Variants in ABCA9 observed in about 807,000 individuals in gnomAD.
ABCA9 encodes the protein ATP-binding cassette sub-family A member 9.
In ABCA9, 183 loss-of-function variants were observed where a neutral mutation model predicts 205.3. The observed-to-expected ratio is 0.89, with a 90% CI of 0.79 to 1.01. ABCA9 has a LOEUF of 1.01. ABCA9 is among the 50% of genes least tolerant of loss of function. ABCA9 has a pLI of 0.00. For missense variants in ABCA9, 1,805 were observed against 1,912.4 expected (o/e 0.94, Z 1.05); for synonymous variants, 651 against 683.3 (o/e 0.95, Z 0.74).
chr17:69,065,127 A>G (rs1300751325), upstream of ABCA9, among the ~76,000 whole-genome samples: 1 of 152,028 alleles, frequency 6.6e-6, no homozygotes, highest in Non-Finnish European at 1.5e-5. Flanking sequence ...ATTTCATGAC[A>G]GTGTGCTCAG....
upstream of ABCA9, among the ~76,000 whole-genome samples, chr17:69,063,157 A>G (rs532844726): frequency 1.5e-4 from 20 of 135,020 alleles, no homozygotes; most frequent in African/African-American, 4.9e-4. Context: ...TACAAATGCT[A>G]TGCTGTCTCA....
In ABCA9 at chr17:68,983,732, GA is replaced by G. The variant is rs769670195; in HGVS notation, c.4616del (p.Phe1539SerfsTer13). The G allele has an allele frequency of 6.2e-7, 1 of 1,614,182 alleles. No individual in the cohort carries two copies. The highest frequency in any genetic ancestry group is 8.5e-7 in the Non-Finnish European group (1 of 1,180,018). The stretch of plus-strand genomic sequence containing the variant: ...ACCTTTCCTGCTGAGCAGCCTGGGG[GA>G]AAAGCCTCAGGATCTCTGCATGGAG... ...EPLHAEILRL[F>X]PQAAQQERFS... On this transcript the variant is annotated frameshift_variant, in exon 36 of 39. Transcript: ENST00000340001. LOFTEE classifies it high-confidence loss of function.
At chr17:68,997,806 C>A (rs1245106537) in intron 25 of ABCA9, among the ~76,000 whole-genome samples, 3 of 152,110 alleles carry the variant, frequency 2.0e-5, no homozygotes, top group Admixed American at 2.0e-4. Flanking sequence ...ATCTTTAACA[C>A]CCAGAGTCCA....
chr17:69,000,051 G>A lies in ABCA9; in HGVS notation c.3436-4037C>T, dbSNP rs1403556862. ...GCCCTTTGTCAGATGAGTAGGTTGC[G>A]AAAATTTTCTCCCATGTTGTAGGTT... On this transcript the variant is annotated intron_variant, in intron 25 of 38. Coordinates refer to ENST00000340001, the MANE Select transcript of ABCA9 (RefSeq NM_080283.4). 5.4e-4 allele frequency among the ~76,000 whole-genome samples: 82 copies of A among 151,820 alleles called. No homozygotes were observed. The East Asian group carries it at 8.9e-3, about 17-fold the overall frequency.
rs182308970 is a variant in ABCA9, at chr17:68,981,329, A to T, written c.4720+1233T>A. ...ATAAATGTTAAGTATGTGATGTGAA[A>T]AAAAAAAGAAAAAAGAAAGCAGAAA... On this transcript the variant is annotated intron_variant, in intron 37 of 38. Transcript: ENST00000340001. Among the ~76,000 whole-genome samples the T allele has an allele frequency of 1.7e-3, 263 of 152,256 alleles. 2 individuals are homozygous for T. Among genetic ancestry groups the T allele is most frequent in the Non-Finnish European group, 3.2e-4 (22 of 68,016 alleles).
At position 69,017,666 on chromosome 17, in the gene ABCA9, C is replaced by G. The variant is rs2144265778; in HGVS notation, c.2891G>C (p.Gly964Ala). 1 of 1,613,038 alleles carries G rather than the reference C, an allele frequency of 6.2e-7. No individual in the cohort carries two copies. Among genetic ancestry groups the G allele is most frequent in the Non-Finnish European group, 8.5e-7 (1 of 1,179,284 alleles). Residue 964 changes from glycine (G) to alanine (A), a missense_variant, in exon 21 of 39, where the codon GGT becomes GCT. Gly to Ala is a moderately conservative substitution (Grantham distance 60, BLOSUM62 0). Transcript: ENST00000340001. ...TGGAGTCCAGCATACCTTTTCATCA[C>G]CTGACACAATGATAGCACCATTGTA... ...PSYNGAIIVS[G>A]DEKDHRFSIA...
At chr17:69,010,415 T>C (rs117698599) in intron 23 of ABCA9, among the ~76,000 whole-genome samples, 3,570 of 152,106 alleles carry the variant, frequency 0.023, 64 homozygotes, top group Middle Eastern at 0.068. Context: ...CCAGATGATA[T>C]TGGCATATTT....
the ABCA9 span, among the ~76,000 whole-genome samples, chr17:69,066,299 T>C: frequency 1.3e-5 from 2 of 152,072 alleles, no homozygotes; most frequent in Non-Finnish European, 2.9e-5. Flanking sequence ...GCCTGGAACA[T>C]GAAGGTTGCT....
At chr17:69,058,856 A>G (rs2144547816) in intron 1 of ABCA9, among the ~76,000 whole-genome samples, 1 of 151,560 alleles carries the variant, frequency 6.6e-6, no homozygotes, top group East Asian at 1.9e-4. Flanking sequence ...AAAAAGACAT[A>G]CCTGAGACTG....
the ABCA9 span, among the ~76,000 whole-genome samples, chr17:69,071,432 A>G: frequency 4.6e-5 from 7 of 152,186 alleles, no homozygotes. Context: ...AGCCTCCGCC[A>G]GTGAGACCCA....
rs1268994741 is a variant in ABCA9 at position 68,998,973 on chromosome 17, ATTTC to A, written c.3436-2963_3436-2960del. The stretch of plus-strand genomic sequence containing the variant: ...TGCATTGTTTTGGAATACTTTATTA[ATTTC>A]TTTCTTATTGGGAAGTCATGCAGCA... On this transcript the variant is annotated intron_variant, in intron 25 of 38. Coordinates refer to ENST00000340001, the MANE Select transcript of ABCA9 (RefSeq NM_080283.4). Among the ~76,000 whole-genome samples the A allele has an allele frequency of 1.6e-4, 25 of 152,002 alleles. No individual in the cohort carries two copies. In the South Asian group the frequency reaches 3.9e-3, roughly 24 times the overall value.
At position 69,027,077 on chromosome 17, in the gene ABCA9, G is replaced by A; in HGVS notation, c.1949C>T (p.Pro650Leu). Residue 650 changes from proline to leucine, a missense_variant, in exon 15 of 39, where the codon CCT (proline) becomes CTT (leucine). By Grantham distance (98) the Pro-to-Leu change is moderately conservative. Coordinates refer to ENST00000340001, the MANE Select transcript of ABCA9 (RefSeq NM_080283.4). ...LLDEPTAGLD[P>L]LSRHRIWNLL... Reference sequence around the variant, plus strand: ...ATTCCATATTCGGTGCCTTGAAAGAGGATCCAATCCAGCAGTCGGTTCATC... The same window carrying A: ...ATTCCATATTCGGTGCCTTGAAAGAAGATCCAATCCAGCAGTCGGTTCATC... The A allele has an allele frequency of 6.2e-7, 1 of 1,614,136 alleles. No homozygotes were observed. Among genetic ancestry groups the A allele is most frequent in the East Asian group, 2.2e-5 (1 of 44,890 alleles).
chr17:68,994,610 A>G (rs2069556986), intron 26 of ABCA9, among the ~76,000 whole-genome samples: 1 of 152,088 alleles, frequency 6.6e-6, no homozygotes, highest in South Asian at 2.1e-4. Context: ...CAAGTTAATG[A>G]CTTCCCCTCT....
At chr17:69,072,176 G>T in the ABCA9 span, among the ~76,000 whole-genome samples, 1 of 152,144 alleles carries the variant, frequency 6.6e-6, no homozygotes, top group African/African-American at 2.4e-5. Flanking sequence ...CACTCTTCGG[G>T]ATATTAACCA....
At position 69,006,012 on chromosome 17, in the gene ABCA9, T is replaced by C. The variant is rs558154723; in HGVS notation, c.3435+1747A>G. ...CATTTTAAAAATGCCTGTTAAGTCA[T>C]TGCCCATGACTTAGATGTGTTTATT... On this transcript the variant is annotated intron_variant, in intron 25 of 38. Coordinates refer to ENST00000340001, the MANE Select transcript of ABCA9 (RefSeq NM_080283.4). Among the ~76,000 whole-genome samples, 65 of 152,386 alleles carry C rather than the reference T, an allele frequency of 4.3e-4. 1 individual carries two copies. The highest frequency in any genetic ancestry group is 1.4e-3 in the African/African-American group (58 of 41,598).
chr17:69,052,224 A>C (rs2071927827), intron 1 of ABCA9, among the ~76,000 whole-genome samples: 1 of 151,976 alleles, frequency 6.6e-6, no homozygotes, highest in Admixed American at 6.6e-5. Context: ...AAAATCAAAA[A>C]ATTAGCTGGA....
rs2071887199 is a variant in ABCA9, at chr17:69,051,097, C to T, written c.30G>A (p.Gln10=). 1 of 1,613,516 alleles carries T rather than the reference C, an allele frequency of 6.2e-7. No individual in the cohort carries two copies. Among genetic ancestry groups the T allele is most frequent in the African/African-American group, 1.3e-5 (1 of 74,894 alleles). The change falls in exon 2 of 39, where the codon CAG becomes CAA. Residue 10 remains glutamine (Q), a synonymous_variant. Transcript: ENST00000340001. The part of the protein sequence containing the change: MSKRRMSVG[Q]QTWALLCKNC... The stretch of plus-strand genomic sequence containing the variant: ...TCTTGCAGAGAAGAGCCCATGTTTG[C>T]TGACCCACGCTCATGCGTCTCTTGC...
At chr17:68,995,787 T>G in intron 26 of ABCA9, 108 bp downstream of exon 26, 1 of 1,401,826 alleles carries the variant, frequency 7.1e-7, no homozygotes, top group African/African-American at 1.4e-5. Flanking sequence ...AGACAGAGAC[T>G]TTTAAACTTT....
At chr17:69,059,961 T>C (rs2072188373) in intron 1 of ABCA9, among the ~76,000 whole-genome samples, 1 of 152,174 alleles carries the variant, frequency 6.6e-6, no homozygotes, top group African/African-American at 2.4e-5. Context: ...CATTTCCAAC[T>C]AAGAAATCAA....
Sources: allele counts gnomAD v4.1 joint callset (sites outside exome capture counted in the v4.1 genomes callset), GRCh38; gene constraint gnomAD v4.1.1; transcripts MANE v1.5; gene names NCBI Gene and HGNC (gene_info 2026-07-23, HGNC 2026-07-21).